GPC6: variants seen among roughly 807,000 people sequenced by gnomAD.
GPC6 encodes the protein glypican-6.
A neutral mutation model predicts 55.2 loss-of-function variants in GPC6; 14 were observed. The ratio of observed to expected loss-of-function variants is 0.25; its 90% CI spans 0.17 to 0.40. The LOEUF is 0.40. Among genes scored for constraint, GPC6 ranks in the 10% least tolerant of loss-of-function variants. The pLI is 1.00. For synonymous variants in GPC6, 278 were observed against 259.6 expected (o/e 1.07, Z -0.68); for missense variants, 641 against 708.5 (o/e 0.90, Z 1.08).
intron 4 of GPC6, among the ~76,000 whole-genome samples, chr13:94,189,380 C>T (rs756865992): frequency 6.6e-6 from 1 of 152,130 alleles, no homozygotes; most frequent in Non-Finnish European, 1.5e-5. Flanking sequence ...GTGCCTCCTG[C>T]CTTTCAAGCC....
At chr13:93,939,056 C>A (rs1878589542) in intron 3 of GPC6, among the ~76,000 whole-genome samples, 1 of 151,688 alleles carries the variant, frequency 6.6e-6, no homozygotes, top group Admixed American at 6.6e-5. Context: ...GAGCCCAGAT[C>A]GTGCCACTGC....
intron 1 of GPC6, among the ~76,000 whole-genome samples, chr13:93,446,254 G>T (rs984593931): frequency 2.4e-4 from 37 of 152,180 alleles, no homozygotes; most frequent in African/African-American, 7.9e-4. Flanking sequence ...TCACTCAAAA[G>T]TGCTCAGAGA....
chr13:94,330,413 G>A (rs1196429303), intron 6 of GPC6, among the ~76,000 whole-genome samples: 1 of 152,134 alleles, frequency 6.6e-6, no homozygotes, highest in Non-Finnish European at 1.5e-5. Context: ...CCTGGGCCTC[G>A]TATTTAGAGA....
chr13:94,062,958 G>A (rs1256941552), intron 4 of GPC6, among the ~76,000 whole-genome samples: 1 of 152,160 alleles, frequency 6.6e-6, no homozygotes, highest in African/African-American at 2.4e-5. Flanking sequence ...TTTTACAAGA[G>A]AAATAATGCA....
intron 1 of GPC6, among the ~76,000 whole-genome samples, chr13:93,280,356 T>TA (rs1191706231): frequency 1.2e-4 from 19 of 152,228 alleles, no homozygotes; most frequent in African/African-American, 4.6e-4. Context: ...AGGTTTTTTT[T>TA]ATCCAGAGCC....
intron 2 of GPC6, among the ~76,000 whole-genome samples, chr13:93,707,690 C>A (rs534382067): frequency 6.6e-6 from 1 of 151,668 alleles, no homozygotes; most frequent in Admixed American, 6.6e-5. Flanking sequence ...ATAGTGGAGA[C>A]CTTTCTTTTA....
intron 1 of GPC6, among the ~76,000 whole-genome samples, chr13:93,252,129 G>T (rs1451218551): frequency 6.6e-6 from 1 of 152,134 alleles, no homozygotes; most frequent in Non-Finnish European, 1.5e-5. Flanking sequence ...GAGAGTTTTT[G>T]ATTCAGTAGA....
At chr13:94,090,491 C>T (rs1369376595) in intron 4 of GPC6, among the ~76,000 whole-genome samples, 1 of 152,116 alleles carries the variant, frequency 6.6e-6, no homozygotes, top group South Asian at 2.1e-4. Context: ...AATAGCTCAT[C>T]ATGAAAAAGG....
intron 2 of GPC6, among the ~76,000 whole-genome samples, chr13:93,565,887 A>C (rs1433810227): frequency 6.7e-6 from 1 of 150,280 alleles, no homozygotes; most frequent in African/African-American, 2.4e-5. Context: ...GCACCACTGC[A>C]TTCCAGCCTG....
intron 4 of GPC6, among the ~76,000 whole-genome samples, chr13:94,285,921 G>A (rs543605350): frequency 6.6e-6 from 1 of 152,174 alleles, no homozygotes; most frequent in Non-Finnish European, 1.5e-5. Context: ...AGGTAGATAT[G>A]CTTCAACTGG....
At chr13:94,152,926 A>T (rs372414635) in intron 4 of GPC6, among the ~76,000 whole-genome samples, 2 of 152,276 alleles carry the variant, frequency 1.3e-5, no homozygotes, top group South Asian at 2.1e-4. Flanking sequence ...TGAGTTTTGA[A>T]ATCTATAAGA....
At chr13:94,388,636 A>G (rs1011157834) in intron 7 of GPC6, among the ~76,000 whole-genome samples, 1 of 152,178 alleles carries the variant, frequency 6.6e-6, no homozygotes, top group African/African-American at 2.4e-5. Flanking sequence ...AAACAACAGA[A>G]ATTTATTTCT....
chr13:93,233,435 A>AT (rs1876129933), intron 1 of GPC6, among the ~76,000 whole-genome samples: 1 of 151,694 alleles, frequency 6.6e-6, no homozygotes, highest in East Asian at 1.9e-4. Flanking sequence ...TCTTCTAGGC[A>AT]TTTTTTTCTT....
chr13:93,391,266 G>A (rs1875623200), intron 1 of GPC6, among the ~76,000 whole-genome samples: 1 of 152,042 alleles, frequency 6.6e-6, no homozygotes, highest in South Asian at 2.1e-4. Context: ...TATCTTCTAA[G>A]CCATAACTTT....
intron 1 of GPC6, among the ~76,000 whole-genome samples, chr13:93,480,541 G>C (rs2139340763): frequency 6.6e-6 from 1 of 152,232 alleles, no homozygotes; most frequent in East Asian, 1.9e-4. Flanking sequence ...TGAATATACA[G>C]TACTGTGGTT....
rs1414301393 is a variant in GPC6 at position 93,492,971 on chromosome 13, GTCTAAAATTC to G, written c.161-52288_161-52279del. ...GCATCAATGTTCATCAAGGATATTG[GTCTAAAATTC>G]TCTTTTTTGGTTGTGTCTCTGCCTG... On this transcript the variant is annotated intron_variant, in intron 1 of 8. Transcript: ENST00000377047. Among the ~76,000 whole-genome samples the G allele has an allele frequency of 5.7e-5, 6 of 105,524 alleles. No individual in the cohort carries two copies. In the Admixed American group the frequency reaches 6.2e-4, roughly 11 times the overall value. The allele number at this position is 105,524 out of a possible 152,430, so 69.2% of individuals were successfully genotyped here.
At chr13:93,906,943 G>A (rs1876701787) in intron 3 of GPC6, among the ~76,000 whole-genome samples, 1 of 152,130 alleles carries the variant, frequency 6.6e-6, no homozygotes, top group South Asian at 2.1e-4. Flanking sequence ...ACTAGTTAAT[G>A]TTTTTTGAAT....
At chr13:94,139,085 A>T (rs572151628) in intron 4 of GPC6, among the ~76,000 whole-genome samples, 2 of 151,278 alleles carry the variant, frequency 1.3e-5, no homozygotes, top group Non-Finnish European at 2.9e-5. Flanking sequence ...AGCTGGGGGA[A>T]AAAAAAAAGC....
At chr13:93,836,251 T>C (rs752803804) in intron 3 of GPC6, 1 of 152,242 alleles carries the variant, frequency 6.6e-6, no homozygotes, top group Non-Finnish European at 1.5e-5. Context: ...AATGCCTCTG[T>C]TTAAAGTATT....
Sources: gnomAD v4.1 joint callset for allele counts (sites outside exome capture counted in the v4.1 genomes callset) on GRCh38, gnomAD v4.1.1 for gene constraint, MANE v1.5 for transcripts, NCBI Gene and HGNC (gene_info 2026-07-23, HGNC 2026-07-21) for gene names.